Variants in KANK4 observed in about 807,000 individuals in gnomAD.
KANK4 encodes KN motif and ankyrin repeat domains 4.
Under a neutral mutation model 80.8 loss-of-function variants are expected in KANK4, and 50 were observed. The ratio of observed to expected loss-of-function variants is 0.62; its 90% CI spans 0.49 to 0.78. The LOEUF is 0.78. Among genes scored for constraint, KANK4 ranks in the 30% least tolerant of loss-of-function variants. The pLI is 0.00. For missense variants in KANK4, 1,196 were observed against 1,240.1 expected, an observed-to-expected ratio of 0.96 and a Z score of 0.53; for synonymous variants, 465 against 506.9, an observed-to-expected ratio of 0.92 and a Z score of 1.11.
intron 2 of KANK4, among the ~76,000 whole-genome samples, chr1:62,278,705 A>AT (rs920614650): frequency 2.6e-5 from 4 of 151,082 alleles, no homozygotes; most frequent in South Asian, 2.1e-4. Flanking sequence ...GACCCACACA[A>AT]TTTTTTTTTA....
chr1:62,273,460 C>A lies in KANK4; in HGVS notation c.1644G>T (p.Pro548=). The change falls in exon 3 of 10, where the codon CCG becomes CCT. Residue 548 remains proline, a synonymous_variant. Coordinates refer to ENST00000371153, the MANE Select transcript of KANK4 (RefSeq NM_181712.5). The part of the protein sequence containing the change: ...TSSNLPGKEH[P]GRPPSSPTDA... ...CCGTTGGCGAGCTTGGTGGCCTTCC[C>A]GGGTGCTCCTTCCCTGGGAGATTGG... 6.2e-7 allele frequency: 1 copy of A among 1,613,950 alleles called. No homozygotes were observed. The highest frequency in any genetic ancestry group is 8.5e-7 in the Non-Finnish European group (1 of 1,179,916).
At chr1:62,250,724 GTA>G (rs56340976) in intron 8 of KANK4, among the ~76,000 whole-genome samples, 110,929 of 151,838 alleles carry the variant, frequency 0.73, 40,800 homozygotes, top group East Asian at 0.83. Context: ...AATAATTAAC[GTA>G]TTTATGGGAA....
At chr1:62,300,875 C>G (rs542995550) in intron 1 of KANK4, among the ~76,000 whole-genome samples, 60 of 152,164 alleles carry the variant, frequency 3.9e-4, no homozygotes, top group African/African-American at 1.4e-3. Context: ...GGCAAGCAGT[C>G]TGGCCAGACT....
chr1:62,307,358 T>G (rs1644460598), intron 1 of KANK4, among the ~76,000 whole-genome samples: 1 of 151,708 alleles, frequency 6.6e-6, no homozygotes, highest in Non-Finnish European at 1.5e-5. Flanking sequence ...GGTGCACACC[T>G]GCAGTCCCAG....
chr1:62,244,649 C>A lies in KANK4; in HGVS notation c.2883+2823G>T, dbSNP rs140051693. Among the ~76,000 whole-genome samples, 91 of 152,268 alleles carry A rather than the reference C, an allele frequency of 6.0e-4. 1 individual carries two copies. The highest frequency in any genetic ancestry group is 2.0e-3 in the African/African-American group (83 of 41,558). ...CCGCCATGATTGAGACTTTCCCAGC[C>A]GTGTGGAACTGTAAGTCCAATTAAA... is the stretch of plus-strand genomic sequence containing the variant. On this transcript the variant is annotated intron_variant, in intron 9 of 9. Coordinates refer to ENST00000371153, the MANE Select transcript of KANK4 (RefSeq NM_181712.5).
At chr1:62,260,315 T>C (rs1035680638) in intron 7 of KANK4, among the ~76,000 whole-genome samples, 4 of 152,100 alleles carry the variant, frequency 2.6e-5, no homozygotes, top group African/African-American at 9.7e-5. Context: ...TGTCAGTCTC[T>C]ATCTCTTCCT....
intron 2 of KANK4, among the ~76,000 whole-genome samples, chr1:62,279,136 C>G (rs1247725968): frequency 6.6e-6 from 1 of 151,902 alleles, no homozygotes; most frequent in Non-Finnish European, 1.5e-5. Flanking sequence ...TGAGGCTGAG[C>G]AGCTACCAAG....
At chr1:62,245,113 A>G (rs1671435819) in intron 9 of KANK4, among the ~76,000 whole-genome samples, 1 of 152,074 alleles carries the variant, frequency 6.6e-6, no homozygotes, top group Non-Finnish European at 1.5e-5. Context: ...AGCAGTGGCT[A>G]CTCCTTAGAG....
chr1:62,316,740 A>G (rs749537427), intron 1 of KANK4, among the ~76,000 whole-genome samples: 2 of 152,230 alleles, frequency 1.3e-5, no homozygotes, highest in Non-Finnish European at 2.9e-5. Flanking sequence ...AAAAAAGTTA[A>G]GAAATACTGG....
At chr1:62,300,335 G>A (rs1644401617) in intron 1 of KANK4, among the ~76,000 whole-genome samples, 1 of 152,102 alleles carries the variant, frequency 6.6e-6, no homozygotes, top group African/African-American at 2.4e-5. Context: ...TTCTTCTTCA[G>A]GCACTGGGCT....
intron 6 of KANK4, among the ~76,000 whole-genome samples, chr1:62,264,184 G>A (rs1054189288): frequency 1.3e-5 from 2 of 152,200 alleles, no homozygotes; most frequent in Non-Finnish European, 2.9e-5. Flanking sequence ...TTGGGAGGCC[G>A]AGGCGGGTAT....
At chr1:62,286,702 C>T (rs533868553) in intron 1 of KANK4, among the ~76,000 whole-genome samples, 1 of 152,230 alleles carries the variant, frequency 6.6e-6, no homozygotes, top group East Asian at 1.9e-4. Context: ...AGTTGAAACC[C>T]TTCAGTAGTG....
chr1:62,313,635 G>T (rs978115200), intron 1 of KANK4, among the ~76,000 whole-genome samples: 2 of 152,086 alleles, frequency 1.3e-5, no homozygotes, highest in Non-Finnish European at 2.9e-5. Flanking sequence ...TCATTCATAA[G>T]TAAGAGTTGA....
chr1:62,287,838 T>C (rs778269161), intron 1 of KANK4, among the ~76,000 whole-genome samples: 1 of 152,140 alleles, frequency 6.6e-6, no homozygotes, highest in African/African-American at 2.4e-5. Context: ...ACATCACTTT[T>C]CTCAACTGGT....
chr1:62,289,531 G>A (rs1200352968), intron 1 of KANK4, among the ~76,000 whole-genome samples: 2 of 152,174 alleles, frequency 1.3e-5, no homozygotes, highest in Non-Finnish European at 2.9e-5. Flanking sequence ...CACCACGACT[G>A]TCTCCCAGTA....
chr1:62,304,783 C>T (rs552083198), intron 1 of KANK4, among the ~76,000 whole-genome samples: 5 of 152,034 alleles, frequency 3.3e-5, no homozygotes, highest in South Asian at 2.1e-4. Context: ...TGATACAGCG[C>T]GACCGGCATG....
At chr1:62,283,427 A>G (rs1672493616) in intron 1 of KANK4, among the ~76,000 whole-genome samples, 1 of 152,204 alleles carries the variant, frequency 6.6e-6, no homozygotes, top group African/African-American at 2.4e-5. Flanking sequence ...ATAACAAGCA[A>G]GTGTTGTAGC....
chr1:62,270,515 G>A (rs957756454), intron 4 of KANK4, among the ~76,000 whole-genome samples: 1 of 151,864 alleles, frequency 6.6e-6, no homozygotes, highest in Non-Finnish European at 1.5e-5. Flanking sequence ...CTCCTGAGTA[G>A]CTGGGACTGC....
chr1:62,291,663 A>G (rs1672680879), intron 1 of KANK4, among the ~76,000 whole-genome samples: 1 of 152,100 alleles, frequency 6.6e-6, no homozygotes, highest in Non-Finnish European at 1.5e-5. Context: ...GCTGGAGTGC[A>G]ATGACGTGAT....
Sources: gnomAD v4.1 joint callset for allele counts (sites outside exome capture counted in the v4.1 genomes callset) on GRCh38, gnomAD v4.1.1 for gene constraint, MANE v1.5 for transcripts, NCBI Gene and HGNC (gene_info 2026-07-23, HGNC 2026-07-21) for gene names.